Variants in MFHAS1 observed in about 807,000 individuals in gnomAD.
MFHAS1 encodes the protein multifunctional ROCO family signaling regulator 1.
Under a neutral mutation model 70.4 loss-of-function variants are expected in MFHAS1, and 50 were observed. The observed-to-expected ratio is 0.71, with a 90% CI of 0.57 to 0.90. The LOEUF (loss-of-function observed/expected upper bound fraction) is 0.90. MFHAS1 is among the 40% of genes least tolerant of loss of function. The pLI, the probability that MFHAS1 is intolerant of heterozygous loss-of-function variation, is 0.00. For missense variants in MFHAS1, 1,795 were observed against 1,347.6 expected (o/e 1.33, Z -5.20); for synonymous variants, 952 against 620.0 (o/e 1.54, Z -7.96).
chr8:8,788,054 C>T (rs1805612315), intron 2 of MFHAS1, among the ~76,000 whole-genome samples: 2 of 152,336 alleles, frequency 1.3e-5, no homozygotes, highest in Non-Finnish European at 2.9e-5. Context: ...TTTCCTGATT[C>T]TTCCTGGTAG....
chr8:8,788,283 C>T (rs1354594804), intron 2 of MFHAS1, among the ~76,000 whole-genome samples: 1 of 152,204 alleles, frequency 6.6e-6, no homozygotes, highest in Admixed American at 6.5e-5. Flanking sequence ...AATTACTCAA[C>T]AAAGATCTGT....
intron 1 of MFHAS1, among the ~76,000 whole-genome samples, chr8:8,816,857 G>C (rs967944750): frequency 6.6e-6 from 1 of 152,128 alleles, no homozygotes; most frequent in Admixed American, 6.5e-5. Flanking sequence ...TTTAGGGAAA[G>C]GTAAGCCAAG....
At chr8:8,854,684 C>CAAAAA (rs34792841) in intron 1 of MFHAS1, among the ~76,000 whole-genome samples, 1 of 139,932 alleles carries the variant, frequency 7.1e-6, no homozygotes, top group Non-Finnish European at 1.6e-5. Context: ...GACTTTGTCT[C>CAAAAA]AAAAAAAAAA....
At chr8:8,886,539 G>T (rs1272380803) in intron 1 of MFHAS1, among the ~76,000 whole-genome samples, 1 of 152,156 alleles carries the variant, frequency 6.6e-6, no homozygotes, top group Non-Finnish European at 1.5e-5. Flanking sequence ...GTCAACTACA[G>T]TAGGGCAGCT....
At chr8:8,792,275 C>T (rs1378351098) in intron 2 of MFHAS1, among the ~76,000 whole-genome samples, 1 of 151,300 alleles carries the variant, frequency 6.6e-6, no homozygotes, top group African/African-American at 2.4e-5. Context: ...ACTAACACAC[C>T]AGCCTGCAAA....
At chr8:8,792,889 C>T (rs1442021067) in intron 2 of MFHAS1, among the ~76,000 whole-genome samples, 1 of 151,758 alleles carries the variant, frequency 6.6e-6, no homozygotes, top group African/African-American at 2.4e-5. Context: ...TTTTTCAGAG[C>T]GACCCAGGCA....
At chr8:8,787,176 G>A (rs1016371189) in intron 2 of MFHAS1, among the ~76,000 whole-genome samples, 3 of 151,958 alleles carry the variant, frequency 2.0e-5, no homozygotes, top group East Asian at 3.9e-4. Context: ...CGCCTCCTGG[G>A]TTCATGCCAT....
At chr8:8,822,402 G>T (rs953216824) in intron 1 of MFHAS1, among the ~76,000 whole-genome samples, 3 of 151,274 alleles carry the variant, frequency 2.0e-5, no homozygotes, top group Non-Finnish European at 4.4e-5. Context: ...GGGGGCAGGG[G>T]ATGGAGCGGG....
intron 1 of MFHAS1, among the ~76,000 whole-genome samples, chr8:8,851,858 T>C (rs887395997): frequency 2.0e-5 from 3 of 152,064 alleles, no homozygotes; most frequent in Admixed American, 2.0e-4. Context: ...TCCTGGCAGG[T>C]GAGACTTGAA....
At chr8:8,851,127 T>A (rs1295021862) in intron 1 of MFHAS1, among the ~76,000 whole-genome samples, 1 of 152,248 alleles carries the variant, frequency 6.6e-6, no homozygotes, top group Non-Finnish European at 1.5e-5. Flanking sequence ...TTACAGAAGA[T>A]GAAAAATACA....
chr8:8,868,030 T>C (rs1808928335), intron 1 of MFHAS1, among the ~76,000 whole-genome samples: 1 of 152,064 alleles, frequency 6.6e-6, no homozygotes, highest in Admixed American at 6.6e-5. Context: ...CGCCTGAACT[T>C]CTGTGGCACT....
chr8:8,803,956 A>G (rs1806184158), intron 1 of MFHAS1, among the ~76,000 whole-genome samples: 1 of 152,204 alleles, frequency 6.6e-6, no homozygotes, highest in Non-Finnish European at 1.5e-5. Flanking sequence ...TGGGCGACAG[A>G]GTGAGACTCT....
chr8:8,800,221 G>A (rs1330825365), intron 1 of MFHAS1, among the ~76,000 whole-genome samples: 1 of 152,142 alleles, frequency 6.6e-6, no homozygotes, highest in Non-Finnish European at 1.5e-5. Context: ...TGTAATTTGA[G>A]TTCCTTAACC....
At chr8:8,798,602 G>A (rs1289230293) in intron 1 of MFHAS1, among the ~76,000 whole-genome samples, 1 of 152,164 alleles carries the variant, frequency 6.6e-6, no homozygotes. Context: ...CTCCCAAAGT[G>A]CTGGGATTAC....
intron 1 of MFHAS1, among the ~76,000 whole-genome samples, chr8:8,882,261 G>A (rs1014243117): frequency 6.6e-6 from 1 of 151,928 alleles, no homozygotes; most frequent in Non-Finnish European, 1.5e-5. Context: ...GTGGTGGTAT[G>A]TGCCTGTAAT....
chr8:8,892,674 C>G lies in MFHAS1; in HGVS notation c.385G>C (p.Glu129Gln), dbSNP rs1810118804. The part of the protein sequence containing the change: ...SHNRLTALGA[E>Q]VVSALRELRK... ...AGCTCCCTCAGAGCACTCACCACCT[C>G]CGCGCCCAGGGCGGTCAGCCGGTTG... is the stretch of plus-strand genomic sequence containing the variant. Residue 129 changes from glutamate to glutamine, a missense_variant, in exon 1 of 3, where the codon GAG (glutamate) becomes CAG (glutamine). Coordinates refer to ENST00000276282, the MANE Select transcript of MFHAS1 (RefSeq NM_004225.3). This position sits in a 1 kb window ranked among gnomAD's most constrained non-coding sequence, Gnocchi z 4.7. 1 of 1,583,606 alleles carries G rather than the reference C, an allele frequency of 6.3e-7. No homozygotes were observed. Among genetic ancestry groups the G allele is most frequent in the Non-Finnish European group, 8.6e-7 (1 of 1,165,112 alleles).
intron 1 of MFHAS1, among the ~76,000 whole-genome samples, chr8:8,888,517 AAC>A (rs113065905): frequency 3.1e-4 from 47 of 150,476 alleles, no homozygotes; most frequent in African/African-American, 4.1e-4. Flanking sequence ...CAAAAAACAA[AAC>A]ACACACACAC....
intron 1 of MFHAS1, among the ~76,000 whole-genome samples, chr8:8,878,153 G>T (rs983421637): frequency 1.6e-4 from 24 of 152,144 alleles, no homozygotes; most frequent in Non-Finnish European, 2.6e-4. Flanking sequence ...CTCTGCACGG[G>T]CAGCTCCTGT....
chr8:8,848,282 T>C (rs974359242), intron 1 of MFHAS1, among the ~76,000 whole-genome samples: 30 of 152,122 alleles, frequency 2.0e-4, no homozygotes, highest in African/African-American at 6.3e-4. Flanking sequence ...CTCCTCCTAG[T>C]CTTCAAAGAA....
Sources: allele counts gnomAD v4.1 joint callset (sites outside exome capture counted in the v4.1 genomes callset), GRCh38; gene constraint gnomAD v4.1.1; non-coding constraint Gnocchi (gnomAD v3.1); transcripts MANE v1.5; gene names NCBI Gene and HGNC (gene_info 2026-07-23, HGNC 2026-07-21).